Variants in PCDHGB1 observed in about 807,000 individuals in gnomAD.
PCDHGB1 encodes protocadherin gamma subfamily B, 1, also known as protocadherin gamma-B1.
In PCDHGB1, 34 loss-of-function variants were observed where a neutral mutation model predicts 56.6. That is an observed-to-expected ratio of 0.60 (90% CI 0.46 to 0.80). PCDHGB1 has a LOEUF of 0.80. Ranked by LOEUF, PCDHGB1 falls within the 30% of genes least tolerant of loss-of-function variation. PCDHGB1 has a pLI of 0.00. For missense variants in PCDHGB1, 1,278 were observed against 1,204.6 expected (o/e 1.06, Z -0.90); for synonymous variants, 561 against 505.9 (o/e 1.11, Z -1.46).
intron 1 of PCDHGB1, chr5:141,419,669 C>T: frequency 6.2e-7 from 1 of 1,612,840 alleles, no homozygotes; most frequent in Non-Finnish European, 8.5e-7. Context: ...CAATGCCTGG[C>T]TGTCCTACCA....
chr5:141,365,977 C>A (rs1374916355), intron 1 of PCDHGB1: 5 of 1,614,110 alleles, frequency 3.1e-6, no homozygotes, highest in African/African-American at 2.7e-5. Context: ...TGTCGCTGAG[C>A]CTGTTTGTGC....
chr5:141,355,668 A>C, intron 1 of PCDHGB1: 2 of 1,614,018 alleles, frequency 1.2e-6, no homozygotes, highest in Non-Finnish European at 1.7e-6. Flanking sequence ...CTCTTCCTGA[A>C]GCTTTTGATC....
rs757588144 is a variant in PCDHGB1 at position 141,361,653 on chromosome 5, C to T, written c.2409+8984C>T. 10 of 1,613,652 alleles carry T rather than the reference C, an allele frequency of 6.2e-6. No individual in the cohort carries two copies. The South Asian group carries it at 8.8e-5, about 14-fold the overall frequency. On this transcript the variant is annotated intron_variant, in intron 1 of 3. Transcript: ENST00000523390. ...CGCGGGAGATTTTATCCTACGTGTC[C>T]GTGAGCGCGCAGAGCGGGGTGGTGT...
intron 1 of PCDHGB1, among the ~76,000 whole-genome samples, chr5:141,465,307 T>C (rs2099100636): frequency 6.6e-6 from 1 of 152,218 alleles, no homozygotes; most frequent in Non-Finnish European, 1.5e-5. Context: ...CCTGGGAATT[T>C]AGCCATGTCA....
At chr5:141,403,003 C>T in intron 1 of PCDHGB1, 3 of 1,613,970 alleles carry the variant, frequency 1.9e-6, no homozygotes, top group South Asian at 1.1e-5. Flanking sequence ...TCCTGCTATG[C>T]TCGCTCCTGG....
At chr5:141,475,760 C>T (rs1480762060) in intron 1 of PCDHGB1, among the ~76,000 whole-genome samples, 1 of 152,286 alleles carries the variant, frequency 6.6e-6, no homozygotes, top group Non-Finnish European at 1.5e-5. Flanking sequence ...TGCACCGATA[C>T]TGGCAAGGCG....
intron 1 of PCDHGB1, chr5:141,370,352 C>T (rs1169280813): frequency 6.7e-7 from 1 of 1,499,528 alleles, no homozygotes; most frequent in Non-Finnish European, 8.9e-7. Flanking sequence ...ATTTAAAGAT[C>T]TCCTCTCCTC....
Position 141,486,617 on chromosome 5 carries a change from C to G in PCDHGB1, c.2410-8190C>G. ...GCTTTGCTCCCTTGCAGCCTCTGAC[C>G]CAGACTCTGGCTTGAATGCGCTTAT... On this transcript the variant is annotated intron_variant, in intron 1 of 3. Transcript: ENST00000523390. This position sits in a 1 kb window ranked among gnomAD's most constrained non-coding sequence, Gnocchi z 5.0. 1 of 1,613,602 alleles carries G rather than the reference C, an allele frequency of 6.2e-7. No homozygotes were observed. Among genetic ancestry groups the G allele is most frequent in the South Asian group, 1.1e-5 (1 of 91,086 alleles).
Position 141,350,222 on chromosome 5 carries a change from AC to A in PCDHGB1, c.-38del. 1.3e-6 allele frequency: 2 copies of A among 1,494,422 alleles called. No individual in the cohort carries two copies. The highest frequency in any genetic ancestry group is 1.8e-6 in the Non-Finnish European group (2 of 1,123,484). 92.6% of individuals were successfully genotyped at this position (1,494,422 alleles called of 1,614,324 possible). ...GGGTGCTGCCATTTCTTTTTGAAAA[AC>A]ATCCCAGAGGAAAGAAGCTCCGCGG... is the stretch of plus-strand genomic sequence containing the variant. On this transcript the variant is annotated 5_prime_UTR_variant, in exon 1 of 4. Transcript: ENST00000523390.
chr5:141,505,283 G>A, intron 2 of PCDHGB1, 110 bp from the exon 3 acceptor site: 5 of 1,547,446 alleles, frequency 3.2e-6, no homozygotes, highest in Non-Finnish European at 3.5e-6. Flanking sequence ...ACAGGTCTTG[G>A]GCATGGGGTA....
rs1240002375 is a variant in PCDHGB1 at position 141,351,182 on chromosome 5, A to T, written c.922A>T (p.Thr308Ser). ...CAATGGCACATTGGATTTTGAAGAGACAAGTAGATATGTGTTGAGTGTGGA... is the reference window on the plus strand; with the variant it reads ...CAATGGCACATTGGATTTTGAAGAGTCAAGTAGATATGTGTTGAGTGTGGA... ...TTNGTLDFEE[T>S]SRYVLSVEAK... The change falls in exon 1 of 4, where the codon ACA becomes TCA. Residue 308 changes from threonine (T) to serine (S), a missense_variant. By Grantham distance (58) the Thr-to-Ser change is moderately conservative. Transcript: ENST00000523390. 2 of 1,613,948 alleles carry T rather than the reference A, an allele frequency of 1.2e-6. No individual in the cohort carries two copies. The highest frequency in any genetic ancestry group is 1.7e-6 in the Non-Finnish European group (2 of 1,179,902).
rs116140192 is a variant in PCDHGB1, at chr5:141,497,400, A to C, written c.2468+2535A>C. Among the ~76,000 whole-genome samples, 87 of 152,110 alleles carry C rather than the reference A, an allele frequency of 5.7e-4. 1 individual carries two copies. Among genetic ancestry groups the C allele is most frequent in the African/African-American group, 2.0e-3 (82 of 41,484 alleles). ...GGGGTGAGCACCTTACCCCTGCCTCAACTCCCATTCCATCAAATGAGAGGC... is the reference window on the plus strand; with the variant it reads ...GGGGTGAGCACCTTACCCCTGCCTCCACTCCCATTCCATCAAATGAGAGGC... On this transcript the variant is annotated intron_variant, in intron 2 of 3. Coordinates refer to ENST00000523390, the MANE Select transcript of PCDHGB1 (RefSeq NM_018922.3).
chr5:141,383,324 T>C (rs750393068), intron 1 of PCDHGB1: 2 of 1,613,904 alleles, frequency 1.2e-6, no homozygotes, highest in African/African-American at 1.3e-5. Flanking sequence ...AATGTAAAAA[T>C]AATGGAGAAT....
At chr5:141,413,102 G>A in intron 1 of PCDHGB1, 1 of 1,480,778 alleles carries the variant, frequency 6.8e-7, no homozygotes, top group Non-Finnish European at 9.1e-7. Context: ...TGAAGCCACA[G>A]AAAGACAAAG....
At chr5:141,380,975 T>C (rs1776901580) in intron 1 of PCDHGB1, among the ~76,000 whole-genome samples, 2 of 152,246 alleles carry the variant, frequency 1.3e-5, no homozygotes, top group Non-Finnish European at 2.9e-5. Flanking sequence ...ATTAAACAAA[T>C]AGAATTTAAC....
chr5:141,365,451 G>A lies in PCDHGB1; in HGVS notation c.2409+12782G>A, dbSNP rs553043540. 116 of 1,614,042 alleles carry A rather than the reference G, an allele frequency of 7.2e-5. No homozygotes were observed. In the Admixed American group the frequency reaches 1.8e-3, roughly 25 times the overall value. On this transcript the variant is annotated intron_variant, in intron 1 of 3. Coordinates refer to ENST00000523390, the MANE Select transcript of PCDHGB1 (RefSeq NM_018922.3). The stretch of plus-strand genomic sequence containing the variant: ...ATCGCGCTGTTTAGCGTACATGATG[G>A]TGATTCTGGAGAAAATGGTGAGATT...
chr5:141,430,521 A>G, intron 1 of PCDHGB1: 1 of 350,390 alleles, frequency 2.9e-6, no homozygotes, highest in Non-Finnish European at 5.1e-6. Context: ...TTGTGCAGTA[A>G]TTGGTTAGGA....
chr5:141,365,864 G>A lies in PCDHGB1; in HGVS notation c.2409+13195G>A, dbSNP rs753111294. 9 of 1,614,004 alleles carry A rather than the reference G, an allele frequency of 5.6e-6. No individual in the cohort carries two copies. In the Admixed American group the frequency reaches 6.7e-5, roughly 12 times the overall value. ...CTATGTATCCATTAACTCTGACACC[G>A]GTGTCCTGTATGCTCTGAGATCCTT... is the stretch of plus-strand genomic sequence containing the variant. On this transcript the variant is annotated intron_variant, in intron 1 of 3. Coordinates refer to ENST00000523390, the MANE Select transcript of PCDHGB1 (RefSeq NM_018922.3).
chr5:141,403,952 C>T, intron 1 of PCDHGB1: 1 of 1,613,684 alleles, frequency 6.2e-7, no homozygotes, highest in Non-Finnish European at 8.5e-7. Flanking sequence ...GACAAAAGTG[C>T]TCATTTCGGT....
Sources: allele counts gnomAD v4.1 joint callset (sites outside exome capture counted in the v4.1 genomes callset), GRCh38; gene constraint gnomAD v4.1.1; non-coding constraint Gnocchi (gnomAD v3.1); transcripts MANE v1.5; gene names NCBI Gene and HGNC (gene_info 2026-07-23, HGNC 2026-07-21).